The following RANBP2 variants were observed in gnomAD, a reference collection of about 807,000 sequenced individuals.
The protein encoded by RANBP2 is RAN binding protein 2.
In RANBP2, 57 loss-of-function variants were observed where a neutral mutation model predicts 303.6. The observed-to-expected ratio is 0.19, with a 90% CI of 0.15 to 0.23. The LOEUF (loss-of-function observed/expected upper bound fraction) is 0.23. RANBP2 is among the 10% of genes least tolerant of loss of function. The pLI is 1.00. For synonymous variants in RANBP2, 1,167 were observed against 1,301.5 expected, an observed-to-expected ratio of 0.90 and a Z score of 2.23; for missense variants, 3,138 against 3,780.8, an observed-to-expected ratio of 0.83 and a Z score of 4.46.
the RANBP2 span, chr2:109,543,120 T>TAAGG: frequency 1.3e-5 from 2 of 152,622 alleles, no homozygotes; most frequent in Admixed American, 1.3e-4. Context: ...AGAATACCAG[T>TAAGG]AAGGCACTGA....
chr2:108,742,436 T>C (rs1696187064), intron 7 of RANBP2, among the ~76,000 whole-genome samples: 1 of 152,168 alleles, frequency 6.6e-6, no homozygotes. Flanking sequence ...GTCACGTATC[T>C]GGGATTACAG....
the RANBP2 span, chr2:109,553,338 A>C: frequency 1.1e-6 from 1 of 927,352 alleles, no homozygotes; most frequent in South Asian, 1.7e-5. Flanking sequence ...TAAGGTCAGG[A>C]GTCCAAGACC....
At chr2:108,968,617 C>T in the RANBP2 span, among the ~76,000 whole-genome samples, 1 of 152,230 alleles carries the variant, frequency 6.6e-6, no homozygotes, top group African/African-American at 2.4e-5. Flanking sequence ...GCATGGTGTT[C>T]TCTTTTCTTC....
chr2:109,355,105 G>A, the RANBP2 span, among the ~76,000 whole-genome samples: 4 of 152,126 alleles, frequency 2.6e-5, no homozygotes, highest in East Asian at 1.9e-4. Flanking sequence ...ATATGGTAAC[G>A]GCATTTGGTG....
the RANBP2 span, among the ~76,000 whole-genome samples, chr2:109,087,162 G>A: frequency 6.6e-6 from 1 of 152,178 alleles, no homozygotes; most frequent in Non-Finnish European, 1.5e-5. Flanking sequence ...GAGATGCTCG[G>A]AAGGCTCTGG....
chr2:109,597,332 C>CTAAG, the RANBP2 span, among the ~76,000 whole-genome samples: 1 of 152,144 alleles, frequency 6.6e-6, no homozygotes, highest in African/African-American at 2.4e-5. Context: ...CTGTGTAGGG[C>CTAAG]TAAGAAACAC....
the RANBP2 span, among the ~76,000 whole-genome samples, chr2:109,230,330 C>T: frequency 6.6e-6 from 1 of 152,150 alleles, no homozygotes; most frequent in East Asian, 1.9e-4. Flanking sequence ...AAACCCAGCA[C>T]TTCCGAGAGG....
chr2:109,334,990 C>T, the RANBP2 span, among the ~76,000 whole-genome samples: 1 of 152,242 alleles, frequency 6.6e-6, no homozygotes, highest in South Asian at 2.1e-4. Flanking sequence ...GTGCGAGGCT[C>T]TGAGAACGCG....
At chr2:109,670,665 T>C in the RANBP2 span, among the ~76,000 whole-genome samples, 1 of 152,124 alleles carries the variant, frequency 6.6e-6, no homozygotes, top group Non-Finnish European at 1.5e-5. Flanking sequence ...GTGGGGTGCA[T>C]AGCATTTCCA....
At chr2:109,117,002 A>G in the RANBP2 span, among the ~76,000 whole-genome samples, 4 of 152,186 alleles carry the variant, frequency 2.6e-5, no homozygotes, top group African/African-American at 9.7e-5. Flanking sequence ...GTTTTGTCTC[A>G]GAGGAGTACC....
chr2:109,547,044 A>C, the RANBP2 span, among the ~76,000 whole-genome samples: 3 of 152,182 alleles, frequency 2.0e-5, no homozygotes, highest in Non-Finnish European at 4.4e-5. Context: ...CAAAGAAAAA[A>C]GGTATCCAGC....
the RANBP2 span, among the ~76,000 whole-genome samples, chr2:108,837,500 A>T: frequency 1.3e-5 from 2 of 152,210 alleles, no homozygotes; most frequent in African/African-American, 4.8e-5. Context: ...AATGGAGCAA[A>T]GAAAAAAAGA....
At chr2:109,547,055 C>A in the RANBP2 span, among the ~76,000 whole-genome samples, 1 of 152,080 alleles carries the variant, frequency 6.6e-6, no homozygotes, top group East Asian at 1.9e-4. Context: ...GGTATCCAGC[C>A]CCCTTCCCCA....
the RANBP2 span, among the ~76,000 whole-genome samples, chr2:109,712,473 C>T: frequency 6.6e-6 from 1 of 152,078 alleles, no homozygotes; most frequent in Non-Finnish European, 1.5e-5. Flanking sequence ...GCTCTGTCAC[C>T]CAGGCTGGAG....
At chr2:109,252,852 G>T in the RANBP2 span, among the ~76,000 whole-genome samples, 3 of 152,098 alleles carry the variant, frequency 2.0e-5, no homozygotes, top group Non-Finnish European at 4.4e-5. Flanking sequence ...GGTTATATAG[G>T]TATGTGAAGT....
At chr2:109,306,301 C>G in the RANBP2 span, among the ~76,000 whole-genome samples, 1 of 152,184 alleles carries the variant, frequency 6.6e-6, no homozygotes, top group Non-Finnish European at 1.5e-5. Context: ...TGTTTGCATT[C>G]CACCCTGCGA....
the RANBP2 span, among the ~76,000 whole-genome samples, chr2:109,517,132 T>C: frequency 6.6e-6 from 1 of 152,084 alleles, no homozygotes; most frequent in Non-Finnish European, 1.5e-5. Flanking sequence ...GGGACTGGTG[T>C]CCCTGTACGA....
chr2:109,497,989 G>T, the RANBP2 span, among the ~76,000 whole-genome samples: 4 of 152,196 alleles, frequency 2.6e-5, no homozygotes, highest in African/African-American at 9.6e-5. Flanking sequence ...GGATGGCGCT[G>T]ATCCTGTGGG....
At chr2:108,748,891 G>A (rs1675608196) in intron 8 of RANBP2, 29 bp from the exon 9 acceptor site, 1 of 1,611,784 alleles carries the variant, frequency 6.2e-7, no homozygotes, top group Admixed American at 1.7e-5. Flanking sequence ...ATTTTAAAGT[G>A]ATGGAAATAA....
Sources: gnomAD v4.1 joint callset for allele counts (sites outside exome capture counted in the v4.1 genomes callset) on GRCh38, gnomAD v4.1.1 for gene constraint, MANE v1.5 for transcripts, NCBI Gene and HGNC (gene_info 2026-07-23, HGNC 2026-07-21) for gene names.